Variants in GPSM1 observed in about 807,000 individuals in gnomAD.
GPSM1 encodes G protein-signaling modulator 1.
Under a neutral mutation model 70.5 loss-of-function variants are expected in GPSM1, and 48 were observed. The ratio of observed to expected loss-of-function variants is 0.68; its 90% confidence interval spans 0.54 to 0.87. GPSM1 has a LOEUF of 0.87. GPSM1 is among the 40% of genes least tolerant of loss of function. GPSM1 has a pLI of 0.00. For missense variants in GPSM1, 981 were observed against 972.6 expected (o/e 1.01, Z -0.11); for synonymous variants, 416 against 430.1 (o/e 0.97, Z 0.41).
At position 136,334,622 on chromosome 9, in the gene GPSM1, C is replaced by T; in HGVS notation, c.244C>T (p.His82Tyr). The T allele has an allele frequency of 1.2e-6, 2 of 1,612,812 alleles. No homozygotes were observed. The highest frequency in any genetic ancestry group is 8.5e-7 in the Non-Finnish European group (1 of 1,179,958). Residue 82 changes from histidine (H) to tyrosine (Y), a missense_variant, in exon 2 of 14, where the codon CAC becomes TAC. Physicochemically the swap from His to Tyr is moderately conservative, Grantham distance 83 (BLOSUM62 2). Transcript: ENST00000440944. ...CAACGCCTACTTCTACCTGAAGGAGCACGGCCGGGCGCTGGAATACCACAA... is the reference window on the plus strand; with the variant it reads ...CAACGCCTACTTCTACCTGAAGGAGTACGGCCGGGCGCTGGAATACCACAA... ...LGNAYFYLKE[H>Y]GRALEYHKHD... is the part of the protein sequence containing the mutation.
In GPSM1 at chr9:136,358,098, C is replaced by A; in HGVS notation, c.1906C>A (p.Leu636Ile). ...PTMPDEDFFS[L>I]IQRVQAKRMD... ...CATGCCGGACGAGGACTTCTTCAGC[C>A]TCATTCAGAGGGTGCAGGCTAAGCG... Residue 636 changes from leucine (L) to isoleucine (I), a missense_variant, in exon 14 of 14, where the codon CTC becomes ATC. Transcript: ENST00000440944. 1 of 1,612,696 alleles carries A rather than the reference C, an allele frequency of 6.2e-7. No individual in the cohort carries two copies. The highest frequency in any genetic ancestry group is 8.5e-7 in the Non-Finnish European group (1 of 1,179,802).
At chr9:136,337,795 C>A in intron 5 of GPSM1, 51 bp from the exon 6 acceptor site, 1 of 1,421,632 alleles carries the variant, frequency 7.0e-7, no homozygotes, top group Non-Finnish European at 9.9e-7. Context: ...CCGCCCACGT[C>A]AGGCCCCGGG....
Position 136,356,436 on chromosome 9 carries a change from C to T in GPSM1, c.1707C>T (p.Ser569=), listed in dbSNP as rs371051388. ...GCCGGCTGGACGACCAGCGGGCCAG[C>T]GTGGGCAGCCTGCCGGGGCTGCGAA... The part of the protein sequence containing the change: ...QSRRLDDQRA[S]VGSLPGLRIT... Residue 569 remains serine (S), a synonymous_variant, in exon 13 of 14, where the codon AGC becomes AGT. Coordinates refer to ENST00000440944, the MANE Select transcript of GPSM1 (RefSeq NM_001145638.3). The T allele has an allele frequency of 1.1e-5, 17 of 1,610,574 alleles. No homozygotes were observed. In the African/African-American group the frequency reaches 1.5e-4, roughly 14 times the overall value.
intron 11 of GPSM1, among the ~76,000 whole-genome samples, chr9:136,351,763 C>T (rs1274703581): frequency 1.3e-5 from 2 of 152,242 alleles, no homozygotes; most frequent in African/African-American, 2.4e-5. Flanking sequence ...AGATCCTGGC[C>T]CCAGACAAAC....
At chr9:136,338,987 A>C (rs1434537006) in intron 7 of GPSM1, among the ~76,000 whole-genome samples, 4 of 152,196 alleles carry the variant, frequency 2.6e-5, no homozygotes, top group African/African-American at 9.7e-5. Context: ...CACTCTCTGG[A>C]GAGAGACAGG....
chr9:136,338,602 C>T lies in GPSM1; in HGVS notation c.866C>T (p.Ala289Val), dbSNP rs1554769692. The stretch of plus-strand genomic sequence containing the variant: ...CAGCTCAGGGACCAGGCAGTGGAGG[C>T]GCAGGCCTGCTACAGTCTGGGCAAC... ...SRQLRDQAVE[A>V]QACYSLGNTY... The change falls in exon 7 of 14, where the codon GCG (alanine) becomes GTG (valine). Residue 289 changes from alanine (A) to valine (V), a missense_variant. Transcript: ENST00000440944. The T allele has an allele frequency of 5.0e-6, 8 of 1,610,872 alleles. No individual in the cohort carries two copies. The highest frequency in any genetic ancestry group is 1.1e-5 in the South Asian group (1 of 90,594).
At chr9:136,332,964 G>T (rs1052451454) in intron 1 of GPSM1, among the ~76,000 whole-genome samples, 1 of 151,748 alleles carries the variant, frequency 6.6e-6, no homozygotes. Flanking sequence ...AGCCGAGATC[G>T]CACCACTGCA....
intron 3 of GPSM1, 50 bp from the exon 4 acceptor site, chr9:136,336,871 C>A (rs781999394): frequency 1.3e-6 from 2 of 1,516,088 alleles, no homozygotes; most frequent in African/African-American, 1.4e-5. Flanking sequence ...CTCTGCACAT[C>A]GTGTGGGGGG....
chr9:136,333,910 TG>T (rs1349053334), intron 1 of GPSM1, among the ~76,000 whole-genome samples: 2 of 152,048 alleles, frequency 1.3e-5, no homozygotes, highest in East Asian at 3.9e-4. Flanking sequence ...TGGGAGAGCT[TG>T]GGGGTGGGGG....
At chr9:136,328,524 T>C (rs1224769386) in intron 1 of GPSM1, among the ~76,000 whole-genome samples, 2 of 152,182 alleles carry the variant, frequency 1.3e-5, no homozygotes, top group Middle Eastern at 3.2e-3. Context: ...AGGGACACTA[T>C]TGTCCTCTGG....
chr9:136,335,399 C>T (rs1343085632), intron 2 of GPSM1, among the ~76,000 whole-genome samples: 1 of 152,150 alleles, frequency 6.6e-6, no homozygotes, highest in South Asian at 2.1e-4. Context: ...CCGTGCCTCA[C>T]GGGAGCACGC....
chr9:136,354,962 C>A (rs1832775155), intron 11 of GPSM1: 2 of 1,043,708 alleles, frequency 1.9e-6, no homozygotes, highest in Middle Eastern at 4.6e-4. Context: ...CGGACAGAGG[C>A]CTGGACTGGG....
chr9:136,358,928 G>A lies in GPSM1; in HGVS notation c.*708G>A, dbSNP rs576042225. 503 of 152,602 alleles carry A rather than the reference G, an allele frequency of 3.3e-3. 3 individuals carry two copies. Among genetic ancestry groups the A allele is most frequent in the South Asian group, 0.022 (108 of 4,848 alleles). The allele number at this position is 152,602 out of a possible 1,614,324, so 9.5% of individuals were successfully genotyped here. On this transcript the variant is annotated 3_prime_UTR_variant, in exon 14 of 14. Transcript: ENST00000440944. Reference sequence around the variant, plus strand: ...TCGACATTCCAAAACCCCAAGCCAGGAAAAAGGGCAGGGCCTGGTCCTAGG... The same window carrying A: ...TCGACATTCCAAAACCCCAAGCCAGAAAAAAGGGCAGGGCCTGGTCCTAGG...
chr9:136,353,038 C>T, intron 11 of GPSM1: 1 of 963,364 alleles, frequency 1.0e-6, no homozygotes, highest in Non-Finnish European at 1.2e-6. Context: ...ATTGAGGCAG[C>T]ACTTGGCACT....
At chr9:136,338,385 A>G (rs782230896) in intron 6 of GPSM1, among the ~76,000 whole-genome samples, 170 bp from the exon 7 acceptor site, 14 of 152,176 alleles carry the variant, frequency 9.2e-5, no homozygotes, top group Non-Finnish European at 1.9e-4. Flanking sequence ...CCCTGGGGCC[A>G]ACAGTCCCGC....
intron 9 of GPSM1, among the ~76,000 whole-genome samples, chr9:136,344,290 G>C (rs1832468392): frequency 2.6e-5 from 4 of 152,148 alleles, no homozygotes; most frequent in African/African-American, 9.7e-5. Context: ...GAAGCAGGCT[G>C]CAGCACCTTT....
intron 11 of GPSM1, among the ~76,000 whole-genome samples, chr9:136,350,753 C>T (rs1035939954): frequency 5.9e-5 from 9 of 152,230 alleles, no homozygotes; most frequent in Non-Finnish European, 7.3e-5. Context: ...GCAGCCTGGG[C>T]GCCACCCGGG....
rs140857825 is a variant in GPSM1, at chr9:136,338,603, G to A, written c.867G>A (p.Ala289=). 5.8e-5 allele frequency: 93 copies of A among 1,610,596 alleles called. 1 individual carries two copies. In the Middle Eastern group the frequency reaches 4.8e-3, roughly 83 times the overall value. ...SRQLRDQAVE[A]QACYSLGNTY... is the part of the protein sequence containing the mutation. ...AGCTCAGGGACCAGGCAGTGGAGGC[G>A]CAGGCCTGCTACAGTCTGGGCAACA... Residue 289 remains alanine (A), a synonymous_variant, in exon 7 of 14, where the codon GCG becomes GCA. Coordinates refer to ENST00000440944, the MANE Select transcript of GPSM1 (RefSeq NM_001145638.3).
chr9:136,340,778 G>T lies in GPSM1; in HGVS notation c.1084-92G>T, dbSNP rs148889849. The T allele has an allele frequency of 3.3e-3, 4,756 of 1,463,044 alleles. 10 individuals are homozygous for T. The highest frequency in any genetic ancestry group is 3.7e-3 in the Non-Finnish European group (4,136 of 1,109,454). 90.6% of individuals were successfully genotyped at this position (1,463,044 alleles called of 1,614,324 possible). Reference sequence around the variant, plus strand: ...AGTTCAGGTCACTCAGAAGGTCAGGGACGGGTGTACTGGGGGCCATTAAGG... The same window carrying T: ...AGTTCAGGTCACTCAGAAGGTCAGGTACGGGTGTACTGGGGGCCATTAAGG... On this transcript the variant is annotated intron_variant, in intron 8 of 13. Coordinates refer to ENST00000440944, the MANE Select transcript of GPSM1 (RefSeq NM_001145638.3). The surrounding 1 kb of genome is among the most constrained non-coding windows in gnomAD (Gnocchi z 7.3).
Sources: allele counts gnomAD v4.1 joint callset (sites outside exome capture counted in the v4.1 genomes callset), GRCh38; gene constraint gnomAD v4.1.1; non-coding constraint Gnocchi (gnomAD v3.1); transcripts MANE v1.5; gene names NCBI Gene and HGNC (gene_info 2026-07-23, HGNC 2026-07-21).